Variants in C2orf80 observed in about 807,000 individuals in gnomAD.
C2orf80 encodes the protein chromosome 2 open reading frame 80.
C2orf80 carries 28 observed loss-of-function variants against 30.2 expected under a neutral mutation model. The ratio of observed to expected loss-of-function variants is 0.93; its 90% CI spans 0.69 to 1.27. The LOEUF (loss-of-function observed/expected upper bound fraction) is 1.27. Among genes scored for constraint, C2orf80 ranks in the 50% most tolerant of loss-of-function variants. The pLI is 0.00. For synonymous variants in C2orf80, 80 were observed against 76.4 expected, an observed-to-expected ratio of 1.05 and a Z score of -0.24; for missense variants, 220 against 231.0, an observed-to-expected ratio of 0.95 and a Z score of 0.31.
chr2:208,176,975 A>ACAGATCTG lies in C2orf80; in HGVS notation c.366+3769_366+3770insCAGATCTG, dbSNP rs1696361453. ...TATCTGTATACATATGTATACATAT[A>ACAGATCTG]TACAGAAATGTATATGTATACATAT... On this transcript the variant is annotated intron_variant, in intron 6 of 8. Coordinates refer to ENST00000341287, the MANE Select transcript of C2orf80 (RefSeq NM_001099334.3). Among the ~76,000 whole-genome samples, 2 of 10,674 alleles carry ACAGATCTG rather than the reference A, an allele frequency of 1.9e-4. 1 individual carries two copies. Among genetic ancestry groups the ACAGATCTG allele is most frequent in the Non-Finnish European group, 3.8e-4 (2 of 5,278 alleles). 7.0% of individuals were successfully genotyped at this position (10,674 alleles called of 152,430 possible).
At chr2:208,171,205 G>T (rs1333410737) in intron 7 of C2orf80, 142 bp from the exon 8 acceptor site, 5 of 633,286 alleles carry the variant, frequency 7.9e-6, no homozygotes, top group African/African-American at 3.7e-5. Flanking sequence ...GAGTGCAGTG[G>T]TTCCATCACG....
At chr2:208,167,130 G>T (rs1478808333) in intron 8 of C2orf80, among the ~76,000 whole-genome samples, 1 of 152,174 alleles carries the variant, frequency 6.6e-6, no homozygotes, top group African/African-American at 2.4e-5. Flanking sequence ...CTGTATTCTA[G>T]CTCTTTAGTA....
intron 8 of C2orf80, among the ~76,000 whole-genome samples, chr2:208,169,682 G>A (rs1463047745): frequency 4.2e-5 from 6 of 143,372 alleles, no homozygotes; most frequent in Non-Finnish European, 7.5e-5. Context: ...CATTGCACTC[G>A]AGTGTGGGTG....
At chr2:208,180,171 G>T (rs1280369626) in intron 6 of C2orf80, among the ~76,000 whole-genome samples, 1 of 151,962 alleles carries the variant, frequency 6.6e-6, no homozygotes, top group Admixed American at 6.6e-5. Context: ...CAGAGCAGAG[G>T]TTGGCATGGT....
chr2:208,170,779 G>C (rs772616000), intron 8 of C2orf80, among the ~76,000 whole-genome samples, 166 bp downstream of exon 8: 6 of 152,138 alleles, frequency 3.9e-5, no homozygotes, highest in Non-Finnish European at 7.4e-5. Flanking sequence ...CTAAGGCACA[G>C]AGAGTTTAAG....
intron 6 of C2orf80, among the ~76,000 whole-genome samples, chr2:208,176,895 ATATACATATCTG>A: frequency 1.2e-5 from 1 of 81,024 alleles, no homozygotes; most frequent in African/African-American, 4.8e-5. Context: ...AGGTGTATAT[ATATACATATCTG>A]TGTATACATA....
At chr2:208,179,744 G>A (rs1696491718) in intron 6 of C2orf80, among the ~76,000 whole-genome samples, 1 of 151,752 alleles carries the variant, frequency 6.6e-6, no homozygotes, top group South Asian at 2.1e-4. Context: ...GGCCCGAAAG[G>A]GGAAAGGGAC....
At chr2:208,171,109 A>G (rs1392374716) in intron 7 of C2orf80, 46 bp from the exon 8 acceptor site, 1 of 1,268,540 alleles carries the variant, frequency 7.9e-7, no homozygotes, top group African/African-American at 1.5e-5. Context: ...AACTTTTTTA[A>G]AAATGTGTCC....
In C2orf80 at chr2:208,181,200, T is replaced by G; in HGVS notation, c.294+18A>C. ...GATATGAAATATTCATATAGGCAGA[T>G]AGTATTCTTTTCCTTACCATTAAGA... On this transcript the variant is annotated intron_variant, in intron 5 of 8. Transcript: ENST00000341287. The G allele has an allele frequency of 6.8e-7, 1 of 1,469,570 alleles. No homozygotes were observed. Among genetic ancestry groups the G allele is most frequent in the Non-Finnish European group, 9.5e-7 (1 of 1,049,190 alleles). 91.0% of individuals were successfully genotyped at this position (1,469,570 alleles called of 1,614,324 possible).
intron 6 of C2orf80, among the ~76,000 whole-genome samples, chr2:208,175,139 A>T (rs1427688356): frequency 6.8e-6 from 1 of 147,786 alleles, no homozygotes; most frequent in African/African-American, 2.5e-5. Context: ...CAAAAAAAGT[A>T]GCCGTGCGCA....
At chr2:208,178,195 C>G (rs1403785445) in intron 6 of C2orf80, among the ~76,000 whole-genome samples, 1 of 152,088 alleles carries the variant, frequency 6.6e-6, no homozygotes, top group Non-Finnish European at 1.5e-5. Flanking sequence ...GACTGATAAC[C>G]CAGCCAAACC....
At chr2:208,173,006 C>T (rs1696151250) in intron 6 of C2orf80, among the ~76,000 whole-genome samples, 2 of 151,588 alleles carry the variant, frequency 1.3e-5, no homozygotes, top group South Asian at 2.1e-4. Context: ...GTAATCCCAG[C>T]TACTCGGGAG....
intron 1 of C2orf80, among the ~76,000 whole-genome samples, chr2:208,188,085 CGTGT>C (rs139478315): frequency 0.055 from 7,959 of 144,122 alleles, 308 homozygotes; most frequent in African/African-American, 0.12. Flanking sequence ...TATACTGCAC[CGTGT>C]GTGTGTGTGT....
intron 6 of C2orf80, among the ~76,000 whole-genome samples, chr2:208,174,522 G>T (rs183847958): frequency 3.3e-5 from 5 of 152,314 alleles, no homozygotes; most frequent in Admixed American, 2.0e-4. Flanking sequence ...AGGTCCCCTG[G>T]TGCCACCATC....
chr2:208,183,947 C>A (rs1020501639), intron 3 of C2orf80, among the ~76,000 whole-genome samples: 1 of 152,144 alleles, frequency 6.6e-6, no homozygotes, highest in Non-Finnish European at 1.5e-5. Context: ...ACACAGAAAA[C>A]GGAAGATTGG....
chr2:208,169,319 T>C (rs1043627701), intron 8 of C2orf80, among the ~76,000 whole-genome samples: 2 of 138,736 alleles, frequency 1.4e-5, no homozygotes, highest in South Asian at 2.4e-4. Flanking sequence ...TTACTGTTTT[T>C]TCATTGTTGT....
intron 2 of C2orf80, among the ~76,000 whole-genome samples, 199 bp downstream of exon 2, chr2:208,186,747 T>G (rs975966446): frequency 6.6e-6 from 1 of 152,146 alleles, no homozygotes; most frequent in Non-Finnish European, 1.5e-5. Context: ...TCCCAAGTGT[T>G]TCAGCATCCT....
rs181188865 is a variant in C2orf80 at position 208,187,390 on chromosome 2, T to C, written c.-75-329A>G. Reference sequence around the variant, plus strand: ...ATCCAAACTAGATGGATGTGATCCATCTAGATCTGAATGTGTTTGGGTTTT... The same window carrying C: ...ATCCAAACTAGATGGATGTGATCCACCTAGATCTGAATGTGTTTGGGTTTT... On this transcript the variant is annotated intron_variant, in intron 1 of 8. Transcript: ENST00000341287. 2.6e-5 allele frequency among the ~76,000 whole-genome samples: 4 copies of C among 152,324 alleles called. No homozygotes were observed. In the East Asian group the frequency reaches 7.7e-4, roughly 29 times the overall value.
At chr2:208,178,945 G>A (rs540652744) in intron 6 of C2orf80, among the ~76,000 whole-genome samples, 1 of 152,124 alleles carries the variant, frequency 6.6e-6, no homozygotes, top group African/African-American at 2.4e-5. Flanking sequence ...TTTTAGTAGA[G>A]TTGGGGTTTC....
Sources: allele counts gnomAD v4.1 joint callset (sites outside exome capture counted in the v4.1 genomes callset), GRCh38; gene constraint gnomAD v4.1.1; transcripts MANE v1.5; gene names NCBI Gene and HGNC (gene_info 2026-07-23, HGNC 2026-07-21).